SLC25A48: variants seen among roughly 807,000 people sequenced by gnomAD.
SLC25A48 encodes CTC-321K16.1.
A neutral mutation model predicts 32.2 loss-of-function variants in SLC25A48; 29 were observed. That is an observed-to-expected ratio of 0.90 (90% CI 0.67 to 1.23). SLC25A48 has a LOEUF of 1.23. Among genes scored for constraint, SLC25A48 ranks in the 50% most tolerant of loss-of-function variants. SLC25A48 has a pLI of 0.00. For missense variants in SLC25A48, 399 were observed against 422.7 expected (o/e 0.94, Z 0.49); for synonymous variants, 164 against 172.3 (o/e 0.95, Z 0.38).
chr5:135,605,794 C>T (rs1751919323), intron 1 of SLC25A48, among the ~76,000 whole-genome samples: 2 of 152,086 alleles, frequency 1.3e-5, no homozygotes, highest in South Asian at 4.1e-4. Context: ...TATTACAGTA[C>T]CAGATATGAG....
intron 3 of SLC25A48, chr5:135,742,686 G>A: frequency 2.1e-6 from 1 of 469,670 alleles, no homozygotes. Context: ...CTAGTCCTGG[G>A]GCTGTTTAAA....
chr5:135,608,017 CAT>C (rs1240764043), intron 1 of SLC25A48, among the ~76,000 whole-genome samples: 1 of 126,826 alleles, frequency 7.9e-6, no homozygotes, highest in Non-Finnish European at 1.6e-5. Context: ...CAGATGTGAA[CAT>C]GTGTGTGAAT....
Position 135,834,673 on chromosome 5 carries a change from G to A in SLC25A48, c.-175G>A. ...CAGCCGCCCTCCGGCACTTGGAGAG[G>A]TGAGCGCGGCAGCCCGCGCAGCCGG... On this transcript the variant is annotated 5_prime_UTR_variant, in exon 1 of 8. It adds an upstream start codon to the 5' untranslated region. Transcript: ENST00000681962. The A allele has an allele frequency of 3.0e-6, 2 of 664,530 alleles. No homozygotes were observed. The highest frequency in any genetic ancestry group is 4.2e-5 in the South Asian group (2 of 47,372). 41.2% of individuals were successfully genotyped at this position (664,530 alleles called of 1,614,324 possible).
intron 3 of SLC25A48, among the ~76,000 whole-genome samples, chr5:135,680,699 C>G (rs1182198205): frequency 5.9e-5 from 9 of 152,130 alleles, no homozygotes; most frequent in Admixed American, 5.9e-4. Context: ...ATCACAAGAA[C>G]AGCATGGGAA....
At chr5:135,729,031 G>A (rs1248034512) in intron 3 of SLC25A48, among the ~76,000 whole-genome samples, 3 of 152,058 alleles carry the variant, frequency 2.0e-5, no homozygotes, top group African/African-American at 7.3e-5. Flanking sequence ...ATGCAAAACA[G>A]ATGCGAAACG....
At chr5:135,673,356 C>T (rs1753698664) in intron 3 of SLC25A48, among the ~76,000 whole-genome samples, 1 of 152,196 alleles carries the variant, frequency 6.6e-6, no homozygotes, top group South Asian at 2.1e-4. Context: ...AGAAATGCCT[C>T]TGAGAGTTTC....
chr5:135,856,717 A>C (rs1040727132), intron 4 of SLC25A48, among the ~76,000 whole-genome samples: 1 of 152,190 alleles, frequency 6.6e-6, no homozygotes, highest in Non-Finnish European at 1.5e-5. Context: ...GCACAATTCA[A>C]TTTGATTCAA....
intron 4 of SLC25A48, among the ~76,000 whole-genome samples, chr5:135,863,076 G>C (rs1760924904): frequency 6.6e-6 from 1 of 152,150 alleles, no homozygotes; most frequent in African/African-American, 2.4e-5. Context: ...TGGGAACAGA[G>C]ACAGGTGGCA....
intron 3 of SLC25A48, among the ~76,000 whole-genome samples, chr5:135,758,866 CATT>C (rs1755989956): frequency 1.3e-5 from 2 of 150,280 alleles, no homozygotes; most frequent in South Asian, 4.2e-4. Context: ...TAATATCAAA[CATT>C]AACACATTAT....
At chr5:135,709,664 T>G (rs1236767608) in intron 3 of SLC25A48, among the ~76,000 whole-genome samples, 1 of 152,216 alleles carries the variant, frequency 6.6e-6, no homozygotes, top group African/African-American at 2.4e-5. Flanking sequence ...AATCCTGTGT[T>G]TGAATCTTGG....
chr5:135,766,587 A>G (rs566334726), intron 3 of SLC25A48, among the ~76,000 whole-genome samples: 65 of 150,474 alleles, frequency 4.3e-4, no homozygotes, highest in African/African-American at 1.6e-3. Context: ...GGGTGATATT[A>G]CTTCCCATCC....
intron 3 of SLC25A48, among the ~76,000 whole-genome samples, chr5:135,710,733 T>C (rs915456201): frequency 3.3e-5 from 5 of 152,242 alleles, no homozygotes; most frequent in Non-Finnish European, 2.9e-5. Context: ...TGTGACTTCC[T>C]GGGAAGAAGG....
chr5:135,695,993 A>G (rs778853568), intron 3 of SLC25A48, among the ~76,000 whole-genome samples: 13 of 152,200 alleles, frequency 8.5e-5, no homozygotes, highest in Non-Finnish European at 1.5e-4. Flanking sequence ...ACCATCTGCC[A>G]TGACATAGGG....
At chr5:135,839,029 G>C (rs1412848644) in intron 1 of SLC25A48, among the ~76,000 whole-genome samples, 1 of 152,216 alleles carries the variant, frequency 6.6e-6, no homozygotes. Flanking sequence ...ACCTGGAAAA[G>C]CCACAGACAC....
chr5:135,717,620 C>T (rs1260147947), intron 3 of SLC25A48, among the ~76,000 whole-genome samples: 1 of 152,304 alleles, frequency 6.6e-6, no homozygotes, highest in Non-Finnish European at 1.5e-5. Context: ...CATGGCTACA[C>T]AACGCACAGG....
At chr5:135,855,806 A>G (rs764213353) in intron 4 of SLC25A48, among the ~76,000 whole-genome samples, 14 of 152,218 alleles carry the variant, frequency 9.2e-5, no homozygotes, top group Non-Finnish European at 1.8e-4. Context: ...CCCACATGCC[A>G]GGAAGTGCAG....
At chr5:135,768,894 G>A (rs959918877) in intron 3 of SLC25A48, among the ~76,000 whole-genome samples, 11 of 151,834 alleles carry the variant, frequency 7.2e-5, no homozygotes, top group African/African-American at 2.2e-4. Context: ...TCCAGAGAAA[G>A]TGATGATGAC....
At chr5:135,736,145 C>A (rs568290954) in intron 3 of SLC25A48, among the ~76,000 whole-genome samples, 1 of 152,034 alleles carries the variant, frequency 6.6e-6, no homozygotes, top group South Asian at 2.1e-4. Context: ...GGGGTTGGGA[C>A]TGAGGGGACA....
At chr5:135,761,485 G>T (rs552812787) in intron 3 of SLC25A48, among the ~76,000 whole-genome samples, 16 of 151,960 alleles carry the variant, frequency 1.1e-4, no homozygotes, top group Non-Finnish European at 1.9e-4. Flanking sequence ...GAAAGAAAAA[G>T]AAAACTGAAC....
Sources: gnomAD v4.1 joint callset for allele counts (sites outside exome capture counted in the v4.1 genomes callset) on GRCh38, gnomAD v4.1.1 for gene constraint, MANE v1.5 for transcripts, NCBI Gene and HGNC (gene_info 2026-07-23, HGNC 2026-07-21) for gene names.